ZFAT: variants seen among roughly 807,000 people sequenced by gnomAD.
ZFAT encodes zinc finger and AT-hook domain containing.
In ZFAT, 64 loss-of-function variants were observed where a neutral mutation model predicts 117.7. The ratio of observed to expected loss-of-function variants is 0.54; its 90% confidence interval spans 0.44 to 0.67. The LOEUF (loss-of-function observed/expected upper bound fraction) is 0.67, where lower values mean the gene tolerates loss of function less well. Ranked by LOEUF, ZFAT falls within the 30% of genes least tolerant of loss-of-function variation. ZFAT has a pLI of 0.00. For synonymous variants in ZFAT, 679 were observed against 615.0 expected, an observed-to-expected ratio of 1.10 and a Z score of -1.54; for missense variants, 1,433 against 1,584.5, an observed-to-expected ratio of 0.90 and a Z score of 1.62.
chr8:134,579,764 A>C (rs1263258915), intron 10 of ZFAT, among the ~76,000 whole-genome samples: 1 of 151,938 alleles, frequency 6.6e-6, no homozygotes, highest in African/African-American at 2.4e-5. Flanking sequence ...CAGCCTGGCC[A>C]ACATGGCGAA....
At position 134,602,516 on chromosome 8, in the gene ZFAT, C is replaced by T. The variant is rs761600517; in HGVS notation, c.1203G>A (p.Gln401=). 1 of 1,613,952 alleles carries T rather than the reference C, an allele frequency of 6.2e-7. No homozygotes were observed. The highest frequency in any genetic ancestry group is 1.1e-5 in the South Asian group (1 of 91,084). Reference sequence around the variant, plus strand: ...CACAGATGTGGCAGTCATAGAGCAGCTGCCGCTTGCCCTCCCTCGTCATCA... The same window carrying T: ...CACAGATGTGGCAGTCATAGAGCAGTTGCCGCTTGCCCTCCCTCGTCATCA... ...LCLMTREGKR[Q]LLYDCHICER... is the part of the protein sequence containing the mutation. Residue 401 remains glutamine (Q), a synonymous_variant, in exon 6 of 16, where the codon CAG becomes CAA. Coordinates refer to ENST00000377838, the MANE Select transcript of ZFAT (RefSeq NM_020863.4).
At chr8:134,712,805 A>ACCC in intron 1 of ZFAT, 40 bp downstream of exon 1, 16 of 518,544 alleles carry the variant, frequency 3.1e-5, no homozygotes, top group Non-Finnish European at 4.5e-5. Flanking sequence ...GCCGCGCCCC[A>ACCC]CCCCCACCCC....
At chr8:134,528,762 C>T (rs1821195421) in intron 12 of ZFAT, among the ~76,000 whole-genome samples, 2 of 152,192 alleles carry the variant, frequency 1.3e-5, no homozygotes, top group South Asian at 4.1e-4. Context: ...GGGATGTATT[C>T]CTTCTGCTGT....
intron 2 of ZFAT, among the ~76,000 whole-genome samples, chr8:134,649,203 C>A (rs1372658): frequency 0.17 from 24,645 of 143,606 alleles, 2,684 homozygotes; most frequent in African/African-American, 0.28. Context: ...ACACACACAC[C>A]CCATCATACT....
At chr8:134,659,069 A>G (rs1196799345) in intron 1 of ZFAT, among the ~76,000 whole-genome samples, 1 of 152,210 alleles carries the variant, frequency 6.6e-6, no homozygotes, top group Non-Finnish European at 1.5e-5. Context: ...GGGAGGCTCA[A>G]CGCTGCCTGG....
intron 15 of ZFAT, among the ~76,000 whole-genome samples, chr8:134,501,588 G>A (rs1366528220): frequency 1.3e-5 from 2 of 152,102 alleles, no homozygotes; most frequent in Admixed American, 6.6e-5. Flanking sequence ...GTTCCATTAC[G>A]GTGCGAGAGA....
At chr8:134,737,099 G>A in the ZFAT span, among the ~76,000 whole-genome samples, 1 of 152,068 alleles carries the variant, frequency 6.6e-6, no homozygotes, top group African/African-American at 2.4e-5. Context: ...TGACTAACAT[G>A]GAGAAACCCC....
At chr8:134,761,767 TCA>T in the ZFAT span, among the ~76,000 whole-genome samples, 1 of 151,998 alleles carries the variant, frequency 6.6e-6, no homozygotes, top group African/African-American at 2.4e-5. Flanking sequence ...CAACAATAAG[TCA>T]CAACAATAAC....
chr8:134,577,172 G>C (rs757216970), intron 10 of ZFAT, among the ~76,000 whole-genome samples: 7 of 152,164 alleles, frequency 4.6e-5, no homozygotes, highest in Non-Finnish European at 1.0e-4. Context: ...TACACACAAA[G>C]GGTTTAATCG....
intron 1 of ZFAT, among the ~76,000 whole-genome samples, chr8:134,663,301 C>T (rs1182597864): frequency 1.3e-5 from 2 of 152,158 alleles, no homozygotes; most frequent in Non-Finnish European, 2.9e-5. Flanking sequence ...CAGGGAAACG[C>T]TCCTAATGAA....
At position 134,602,717 on chromosome 8, in the gene ZFAT, G is replaced by C. The variant is rs764436991; in HGVS notation, c.1002C>G (p.Thr334=). 1 of 1,614,006 alleles carries C rather than the reference G, an allele frequency of 6.2e-7. No homozygotes were observed. The highest frequency in any genetic ancestry group is 1.1e-5 in the South Asian group (1 of 91,048). The part of the protein sequence containing the change: ...EKFACDYCSF[T]CLSKGHLKVH... Reference sequence around the variant, plus strand: ...CCTTGAGGTGGCCCTTGCTCAGGCAGGTGAACGAGCAATAGTCGCAGGCGA... The same window carrying C: ...CCTTGAGGTGGCCCTTGCTCAGGCACGTGAACGAGCAATAGTCGCAGGCGA... Residue 334 remains threonine, a synonymous_variant, in exon 6 of 16, where the codon ACC becomes ACG. Coordinates refer to ENST00000377838, the MANE Select transcript of ZFAT (RefSeq NM_020863.4).
the ZFAT span, among the ~76,000 whole-genome samples, chr8:134,728,378 C>T: frequency 1.3e-5 from 2 of 151,858 alleles, no homozygotes; most frequent in Non-Finnish European, 2.9e-5. Flanking sequence ...CAAGCTTTTC[C>T]TAAAAGTCTG....
At chr8:134,611,843 C>T (rs1171346135) in intron 3 of ZFAT, among the ~76,000 whole-genome samples, 2 of 152,218 alleles carry the variant, frequency 1.3e-5, no homozygotes, top group African/African-American at 4.8e-5. Context: ...GCCGCTGCTG[C>T]AGACAGCAAA....
chr8:134,558,577 C>T (rs987704106), intron 11 of ZFAT, among the ~76,000 whole-genome samples: 1 of 152,230 alleles, frequency 6.6e-6, no homozygotes, highest in African/African-American at 2.4e-5. Context: ...TACAATATAA[C>T]ACCTAGAAAA....
the ZFAT span, among the ~76,000 whole-genome samples, chr8:134,804,267 TA>T: frequency 6.6e-6 from 1 of 152,140 alleles, no homozygotes; most frequent in Non-Finnish European, 1.5e-5. Flanking sequence ...AAAATATTAA[TA>T]TAAAAAGACA....
chr8:134,748,655 C>T, the ZFAT span, among the ~76,000 whole-genome samples: 4 of 152,334 alleles, frequency 2.6e-5, no homozygotes, highest in Admixed American at 6.5e-5. Context: ...TTCTCCACAG[C>T]AGGTTTACTG....
At chr8:134,758,878 A>C in the ZFAT span, among the ~76,000 whole-genome samples, 1 of 152,096 alleles carries the variant, frequency 6.6e-6, no homozygotes, top group Non-Finnish European at 1.5e-5. Context: ...GTCCACCTCA[A>C]GGTGGGTGCT....
intron 11 of ZFAT, among the ~76,000 whole-genome samples, chr8:134,544,592 A>G (rs1011485060): frequency 2.0e-5 from 3 of 152,180 alleles, no homozygotes; most frequent in Non-Finnish European, 4.4e-5. Context: ...TGAAGACAAG[A>G]TAACAACAAA....
intron 1 of ZFAT, among the ~76,000 whole-genome samples, chr8:134,668,177 G>C (rs1204646689): frequency 1.3e-5 from 2 of 152,214 alleles, no homozygotes; most frequent in African/African-American, 2.4e-5. Flanking sequence ...CTCCACCTCT[G>C]GGGGCAGGAC....
Sources: allele counts gnomAD v4.1 joint callset (sites outside exome capture counted in the v4.1 genomes callset), GRCh38; gene constraint gnomAD v4.1.1; transcripts MANE v1.5; gene names NCBI Gene and HGNC (gene_info 2026-07-23, HGNC 2026-07-21).